The following ADAMTSL1 variants were observed in gnomAD, a reference collection of about 807,000 sequenced individuals.
The protein encoded by ADAMTSL1 is ADAMTS-like protein 1.
In ADAMTSL1, 126 loss-of-function variants were observed where a neutral mutation model predicts 201.8. That is an observed-to-expected ratio of 0.62 (90% CI 0.54 to 0.72). ADAMTSL1 has a LOEUF of 0.72. Ranked by LOEUF, ADAMTSL1 falls within the 30% of genes least tolerant of loss-of-function variation. The pLI, the probability that ADAMTSL1 is intolerant of heterozygous loss-of-function variation, is 0.00. For missense variants in ADAMTSL1, 2,679 were observed against 2,277.8 expected (o/e 1.18, Z -3.59); for synonymous variants, 1,121 against 903.4 (o/e 1.24, Z -4.32).
At chr9:18,270,922 A>C (rs13288253) in intron 2 of ADAMTSL1, among the ~76,000 whole-genome samples, 1 of 152,118 alleles carries the variant, frequency 6.6e-6, no homozygotes. Flanking sequence ...CTGAAGAAAG[A>C]AGACTCTAGG....
chr9:18,874,136 T>C (rs955430609), intron 23 of ADAMTSL1, among the ~76,000 whole-genome samples: 3 of 152,178 alleles, frequency 2.0e-5, no homozygotes, highest in African/African-American at 7.2e-5. Context: ...TTGTATACAT[T>C]AATTTTGTAT....
chr9:18,634,814 G>C (rs535807821), intron 5 of ADAMTSL1, among the ~76,000 whole-genome samples: 247 of 111,782 alleles, frequency 2.2e-3, no homozygotes, highest in African/African-American at 7.4e-3. Flanking sequence ...ACTCCAGCCT[G>C]GGTGACAGAG....
intron 2 of ADAMTSL1, among the ~76,000 whole-genome samples, chr9:18,233,528 T>C (rs1397828150): frequency 6.6e-6 from 1 of 152,152 alleles, no homozygotes; most frequent in Non-Finnish European, 1.5e-5. Context: ...GCCAGGTAGT[T>C]ATCTAGGCAC....
At chr9:18,503,963 A>G (rs565771668) in intron 1 of ADAMTSL1, among the ~76,000 whole-genome samples, 2 of 146,234 alleles carry the variant, frequency 1.4e-5, no homozygotes, top group South Asian at 4.6e-4. Flanking sequence ...TGATCTTCCT[A>G]TATAATATGT....
intron 1 of ADAMTSL1, among the ~76,000 whole-genome samples, chr9:18,482,726 A>G (rs1446172076): frequency 6.6e-6 from 1 of 152,196 alleles, no homozygotes; most frequent in Non-Finnish European, 1.5e-5. Flanking sequence ...CACCATTTGA[A>G]GTCTGTATGA....
At chr9:18,573,326 T>C (rs762305650) in intron 3 of ADAMTSL1, 10 of 154,768 alleles carry the variant, frequency 6.5e-5, no homozygotes, top group Middle Eastern at 1.0e-3. Flanking sequence ...ATTGCCTCTG[T>C]TCTAACACAA....
intron 2 of ADAMTSL1, among the ~76,000 whole-genome samples, chr9:18,326,028 C>A (rs780786613): frequency 2.6e-5 from 4 of 152,136 alleles, no homozygotes; most frequent in Non-Finnish European, 4.4e-5. Flanking sequence ...AGGTGTGAGC[C>A]ACCATGCCCG....
chr9:18,579,483 C>G (rs1413203887), intron 4 of ADAMTSL1, among the ~76,000 whole-genome samples: 1 of 151,350 alleles, frequency 6.6e-6, no homozygotes, highest in African/African-American at 2.4e-5. Context: ...TACCCTAAAA[C>G]TTAAAGTATA....
At chr9:18,422,420 G>A (rs1046660798) in intron 2 of ADAMTSL1, among the ~76,000 whole-genome samples, 17 of 152,102 alleles carry the variant, frequency 1.1e-4, no homozygotes, top group Non-Finnish European at 8.8e-5. Flanking sequence ...TTGTGTTTCT[G>A]TGGCATTCAG....
chr9:18,199,294 G>A (rs1287193732), intron 2 of ADAMTSL1, among the ~76,000 whole-genome samples: 1 of 151,986 alleles, frequency 6.6e-6, no homozygotes, highest in African/African-American at 2.4e-5. Flanking sequence ...CGGCTTCTCT[G>A]TTAGGATAGT....
rs4295764 is a variant in ADAMTSL1, at chr9:18,246,383, G to A, written c.207+82402G>A. Among the ~76,000 whole-genome samples, 268 of 152,134 alleles carry A rather than the reference G, an allele frequency of 1.8e-3. 1 individual carries two copies. Among genetic ancestry groups the A allele is most frequent in the Middle Eastern group, 6.8e-3 (2 of 292 alleles). On this transcript the variant is annotated intron_variant, in intron 2 of 29. Transcript: ENST00000680146. Reference sequence around the variant, plus strand: ...GAAAGGCCAATGTGTATTACCATTTGGAAACACAAGATGATTTTTAAAATA... The same window carrying A: ...GAAAGGCCAATGTGTATTACCATTTAGAAACACAAGATGATTTTTAAAATA...
intron 4 of ADAMTSL1, among the ~76,000 whole-genome samples, chr9:18,592,660 C>T (rs941356956): frequency 2.0e-5 from 3 of 152,132 alleles, no homozygotes; most frequent in Non-Finnish European, 4.4e-5. Flanking sequence ...TAATGTGATT[C>T]CTCAGTTTTG....
rs536476684 is a variant in ADAMTSL1, at chr9:18,016,679, G to T, written c.87+109757G>T. ...AGAGACTCAGTTACATTTTTAGACT[G>T]AATCTCCCATGTCCCATCAAGGTGC... On this transcript the variant is annotated intron_variant, in intron 1 of 29. Transcript: ENST00000680146. Among the ~76,000 whole-genome samples the T allele has an allele frequency of 2.8e-4, 43 of 152,098 alleles. 1 individual carries two copies. In the South Asian group the frequency reaches 4.4e-3, roughly 15 times the overall value.
At chr9:18,032,940 C>G (rs1319128372) in intron 1 of ADAMTSL1, among the ~76,000 whole-genome samples, 1 of 152,134 alleles carries the variant, frequency 6.6e-6, no homozygotes, top group African/African-American at 2.4e-5. Flanking sequence ...TGCATCACCT[C>G]TCTATTGACT....
intron 10 of ADAMTSL1, among the ~76,000 whole-genome samples, chr9:18,678,019 A>G (rs752042167): frequency 4.6e-5 from 7 of 152,114 alleles, no homozygotes; most frequent in Non-Finnish European, 8.8e-5. Context: ...GAACACAGGT[A>G]TAGATACAAA....
Position 18,005,486 on chromosome 9 carries a change from G to A in ADAMTSL1, c.87+98564G>A, listed in dbSNP as rs542727878. ...TAAGTAGCTTGACCAAAGACACACA[G>A]CTTATTGCCAATCCAGTCTATAACT... On this transcript the variant is annotated intron_variant, in intron 1 of 29. Coordinates refer to the ADAMTSL1 transcript ENST00000680146. Among the ~76,000 whole-genome samples the A allele has an allele frequency of 2.8e-4, 43 of 152,176 alleles. No individual in the cohort carries two copies. In the South Asian group the frequency reaches 8.9e-3, roughly 32 times the overall value.
rs912200114 is a variant in ADAMTSL1, at chr9:18,684,738, G to A, written c.1512G>A (p.Lys504=). Reference sequence around the variant, plus strand: ...CAGAGAAACTTCCAGTCGAGGCCAAGTTGCCATGGTTCAAACAAGCTCAAG... The same window carrying A: ...CAGAGAAACTTCCAGTCGAGGCCAAATTGCCATGGTTCAAACAAGCTCAAG... ...KPKEKLPVEA[K]LPWFKQAQEL... Residue 504 remains lysine (K), a synonymous_variant, in exon 13 of 29, where the codon AAG becomes AAA. Transcript: ENST00000380548. 16 of 1,613,150 alleles carry A rather than the reference G, an allele frequency of 9.9e-6. No homozygotes were observed. In the Middle Eastern group the frequency reaches 1.6e-3, roughly 166 times the overall value.
intron 4 of ADAMTSL1, among the ~76,000 whole-genome samples, chr9:18,621,571 C>A (rs1245696734): frequency 1.2e-5 from 1 of 80,644 alleles, no homozygotes; most frequent in Non-Finnish European, 2.7e-5. Flanking sequence ...CACACACACA[C>A]ACACACACAC....
intron 1 of ADAMTSL1, among the ~76,000 whole-genome samples, chr9:18,494,545 G>C (rs1822433328): frequency 1.3e-5 from 2 of 152,122 alleles, no homozygotes; most frequent in African/African-American, 4.8e-5. Flanking sequence ...ATTACTAGAT[G>C]TCCTCACAGC....
Sources: allele counts gnomAD v4.1 joint callset (sites outside exome capture counted in the v4.1 genomes callset), GRCh38; gene constraint gnomAD v4.1.1; transcripts MANE v1.5; gene names NCBI Gene and HGNC (gene_info 2026-07-23, HGNC 2026-07-21).